The following CRTC1 variants were observed in gnomAD, a reference collection of about 807,000 sequenced individuals.
CRTC1 encodes CREB-regulated transcription coactivator 1.
Under a neutral mutation model 66.1 loss-of-function variants are expected in CRTC1, and 18 were observed. The ratio of observed to expected loss-of-function variants is 0.27; its 90% CI spans 0.19 to 0.40. The LOEUF is 0.40. CRTC1 is among the 10% of genes least tolerant of loss of function. The pLI is 1.00. For missense variants in CRTC1, 669 were observed against 887.9 expected, an observed-to-expected ratio of 0.75 and a Z score of 3.13; for synonymous variants, 416 against 398.8, an observed-to-expected ratio of 1.04 and a Z score of -0.51.
At chr19:18,692,402 C>G (rs2052864153) in intron 1 of CRTC1, among the ~76,000 whole-genome samples, 1 of 152,192 alleles carries the variant, frequency 6.6e-6, no homozygotes, top group East Asian at 1.9e-4. Context: ...AATTAATTCC[C>G]TCACCGTCAT....
At chr19:18,717,025 G>A (rs2053524379) in intron 1 of CRTC1, among the ~76,000 whole-genome samples, 2 of 152,180 alleles carry the variant, frequency 1.3e-5, no homozygotes, top group African/African-American at 4.8e-5. Flanking sequence ...GTGCGTGTGA[G>A]CATATGTGCA....
intron 1 of CRTC1, among the ~76,000 whole-genome samples, chr19:18,698,174 G>A (rs1449461888): frequency 6.6e-6 from 1 of 151,162 alleles, no homozygotes; most frequent in East Asian, 1.9e-4. Context: ...CGCTCAGCAG[G>A]CACTCAGCAG....
chr19:18,733,493 G>C (rs1011967021), intron 1 of CRTC1, among the ~76,000 whole-genome samples: 1 of 152,246 alleles, frequency 6.6e-6, no homozygotes, highest in Non-Finnish European at 1.5e-5. Context: ...TGTATATGTG[G>C]TTCTGTATTT....
chr19:18,728,358 T>C (rs1444596146), intron 1 of CRTC1, among the ~76,000 whole-genome samples: 1 of 152,218 alleles, frequency 6.6e-6, no homozygotes, highest in Non-Finnish European at 1.5e-5. Context: ...CTGCCCAGGA[T>C]GCATTGTGGG....
chr19:18,715,108 T>C (rs1307896531), intron 1 of CRTC1, among the ~76,000 whole-genome samples: 1 of 152,226 alleles, frequency 6.6e-6, no homozygotes, highest in East Asian at 1.9e-4. Flanking sequence ...TGTAGAAGCC[T>C]CTAGGGGCGG....
At position 18,775,719 on chromosome 19, in the gene CRTC1, C is replaced by A; in HGVS notation, c.1591C>A (p.Gln531Lys). The A allele has an allele frequency of 3.1e-6, 5 of 1,612,736 alleles. No individual in the cohort carries two copies. Among genetic ancestry groups the A allele is most frequent in the Non-Finnish European group, 3.4e-6 (4 of 1,179,836 alleles). Residue 531 changes from glutamine (Q) to lysine (K), a missense_variant, in exon 13 of 14, where the codon CAG (glutamine) becomes AAG (lysine). Transcript: ENST00000321949. ...YSPGSTLNYSQAAMMGLTGSH... is the reference protein window; with the variant it reads ...YSPGSTLNYSKAAMMGLTGSH... ...CCCGGGCTCCACACTCAACTACTCG[C>A]AGGCGGCCATGATGGGCCTCACGGG...
chr19:18,777,904 G>A lies in CRTC1; in HGVS notation c.*522G>A, dbSNP rs1481155512. 20 of 262,314 alleles carry A rather than the reference G, an allele frequency of 7.6e-5. No homozygotes were observed. The highest frequency in any genetic ancestry group is 7.2e-4 in the East Asian group (12 of 16,628). 16.2% of individuals were successfully genotyped at this position (262,314 alleles called of 1,614,324 possible). A position where few individuals can be genotyped will look rare whatever the true frequency, so the allele number is the denominator to read the frequency against. On this transcript the variant is annotated 3_prime_UTR_variant, in exon 14 of 14. Transcript: ENST00000321949. This position sits in a 1 kb window ranked among gnomAD's most constrained non-coding sequence, Gnocchi z 5.5. ...CCCCACGCCGCCCCAGGGAGGAGGC[G>A]CCAGAGCGCGGGGCAGACGCAAAGT...
intron 10 of CRTC1, among the ~76,000 whole-genome samples, chr19:18,770,068 C>T (rs1210742806): frequency 3.0e-5 from 4 of 135,164 alleles, no homozygotes; most frequent in Admixed American, 8.8e-5. Flanking sequence ...GCCCAGAAGG[C>T]GCCACCAAGG....
At chr19:18,732,925 GA>G (rs2053921953) in intron 1 of CRTC1, among the ~76,000 whole-genome samples, 1 of 151,818 alleles carries the variant, frequency 6.6e-6, no homozygotes, top group African/African-American at 2.4e-5. Context: ...CCCCATCTCT[GA>G]AAATAAAAAA....
intron 1 of CRTC1, among the ~76,000 whole-genome samples, chr19:18,712,668 G>A (rs1244563652): frequency 1.3e-5 from 2 of 152,034 alleles, no homozygotes; most frequent in African/African-American, 2.4e-5. Context: ...CCCAAAAAGA[G>A]AATCCCCTTA....
At chr19:18,758,009 C>G (rs1423012171) in intron 6 of CRTC1, among the ~76,000 whole-genome samples, 2 of 151,020 alleles carry the variant, frequency 1.3e-5, no homozygotes, top group Admixed American at 6.6e-5. Context: ...CAGAGCCAGA[C>G]TCTGTCTCAA....
At chr19:18,691,328 C>G (rs935880800) in intron 1 of CRTC1, among the ~76,000 whole-genome samples, 26 of 151,712 alleles carry the variant, frequency 1.7e-4, no homozygotes, top group Non-Finnish European at 1.5e-4. Context: ...CCAGCCTGGG[C>G]CACAAAGAGG....
intron 1 of CRTC1, among the ~76,000 whole-genome samples, chr19:18,715,110 TA>T (rs1456410375): frequency 3.3e-5 from 5 of 152,376 alleles, no homozygotes; most frequent in African/African-American, 4.8e-5. Flanking sequence ...TAGAAGCCTC[TA>T]GGGGCGGATC....
At chr19:18,707,275 G>A (rs576187362) in intron 1 of CRTC1, among the ~76,000 whole-genome samples, 47 of 152,266 alleles carry the variant, frequency 3.1e-4, no homozygotes, top group Non-Finnish European at 6.6e-4. Context: ...GTTAATTTTT[G>A]TATATGGTGT....
In CRTC1 at chr19:18,747,132, C is replaced by CCCCCCCCA; in HGVS notation, c.443+25_443+26insACCCCCCC. 1.2e-6 allele frequency: 1 copy of CCCCCCCCA among 803,810 alleles called. No homozygotes were observed. The highest frequency in any genetic ancestry group is 2.0e-6 in the Non-Finnish European group (1 of 508,634). 49.8% of individuals were successfully genotyped at this position (803,810 alleles called of 1,614,324 possible). On this transcript the variant is annotated intron_variant, in intron 4 of 13. Transcript: ENST00000321949. ...TGGAGAAGGTCAGTGGCTGGACACC[C>CCCCCCCCA]CCCCCCCGCCCCCTTCTTGTTGGAA...
At chr19:18,706,478 AT>A (rs2053269524) in intron 1 of CRTC1, among the ~76,000 whole-genome samples, 2 of 151,906 alleles carry the variant, frequency 1.3e-5, no homozygotes, top group Admixed American at 1.3e-4. Flanking sequence ...AAGTGTTGGG[AT>A]TATAGGCGTG....
intron 1 of CRTC1, among the ~76,000 whole-genome samples, chr19:18,734,378 A>G (rs891112186): frequency 2.6e-4 from 40 of 152,114 alleles, no homozygotes; most frequent in Non-Finnish European, 4.7e-4. Flanking sequence ...AGATTAAAAA[A>G]AAATAGAAAG....
At chr19:18,697,129 C>T (rs1022390952) in intron 1 of CRTC1, among the ~76,000 whole-genome samples, 35 of 152,126 alleles carry the variant, frequency 2.3e-4, no homozygotes, top group African/African-American at 6.7e-4. Flanking sequence ...AAGGAAGTGC[C>T]GCGTGCCTCG....
intron 5 of CRTC1, among the ~76,000 whole-genome samples, chr19:18,753,275 C>CTAAATAAATAAATAAA (rs59575360): frequency 4.1e-5 from 6 of 145,976 alleles, no homozygotes; most frequent in African/African-American, 1.3e-4. Flanking sequence ...GACTCCGTCT[C>CTAAATAAATAAATAAA]TAAATAAATA....
Sources: gnomAD v4.1 joint callset for allele counts (sites outside exome capture counted in the v4.1 genomes callset) on GRCh38, gnomAD v4.1.1 for gene constraint, Gnocchi (gnomAD v3.1) non-coding constraint, MANE v1.5 for transcripts, NCBI Gene and HGNC (gene_info 2026-07-23, HGNC 2026-07-21) for gene names.